Variants in ABCA13 observed in about 807,000 individuals in gnomAD.
ABCA13 encodes ATP-binding cassette sub-family A member 13.
Under a neutral mutation model 478.7 loss-of-function variants are expected in ABCA13, and 476 were observed. That is an observed-to-expected ratio of 0.99 (90% CI 0.92 to 1.07). The LOEUF (loss-of-function observed/expected upper bound fraction) is 1.07. Ranked by LOEUF, ABCA13 falls within the 50% of genes least tolerant of loss-of-function variation. The pLI, the probability that ABCA13 is intolerant of heterozygous loss-of-function variation, is 0.00. For synonymous variants in ABCA13, 2,252 were observed against 2,158.9 expected (o/e 1.04, Z -1.20); for missense variants, 6,060 against 5,910.6 (o/e 1.03, Z -0.83).
At chr7:48,617,314 A>G (rs754104233) in intron 59 of ABCA13, among the ~76,000 whole-genome samples, 19 of 152,152 alleles carry the variant, frequency 1.2e-4, no homozygotes, top group Non-Finnish European at 1.8e-4. Flanking sequence ...CTTTCTTTCC[A>G]TGAACATGAA....
intron 41 of ABCA13, among the ~76,000 whole-genome samples, chr7:48,426,593 A>G (rs1821456004): frequency 6.6e-6 from 1 of 152,202 alleles, no homozygotes; most frequent in Non-Finnish European, 1.5e-5. Context: ...CTGGATGGAC[A>G]GTGACGCTGG....
At chr7:48,376,355 C>A in intron 34 of ABCA13, 86 bp from the exon 35 acceptor site, 2 of 1,500,082 alleles carry the variant, frequency 1.3e-6, no homozygotes, top group Non-Finnish European at 1.8e-6. Context: ...TTCACTTGAG[C>A]TTCCAGAAGT....
intron 1 of ABCA13, among the ~76,000 whole-genome samples, chr7:48,172,785 G>A (rs1317634976): frequency 8.8e-6 from 1 of 113,906 alleles, no homozygotes; most frequent in Non-Finnish European, 1.7e-5. Flanking sequence ...GCGACAGAGC[G>A]AGACTCCGTC....
At chr7:48,404,837 A>G (rs1251592525) in intron 39 of ABCA13, among the ~76,000 whole-genome samples, 2 of 152,216 alleles carry the variant, frequency 1.3e-5, no homozygotes, top group Non-Finnish European at 1.5e-5. Context: ...GGAGCATAGA[A>G]GATCAATCTG....
intron 20 of ABCA13, among the ~76,000 whole-genome samples, chr7:48,295,239 A>G (rs1194221934): frequency 6.6e-6 from 1 of 152,212 alleles, no homozygotes; most frequent in Non-Finnish European, 1.5e-5. Flanking sequence ...GGTATGAGGT[A>G]ATAGCTCATT....
At chr7:48,304,988 C>T (rs1238781628) in intron 23 of ABCA13, among the ~76,000 whole-genome samples, 1 of 152,198 alleles carries the variant, frequency 6.6e-6, no homozygotes, top group African/African-American at 2.4e-5. Flanking sequence ...CATCCTTAAT[C>T]AATAAACCCA....
At chr7:48,405,167 CCCTTGG>C (rs1818098812) in intron 39 of ABCA13, among the ~76,000 whole-genome samples, 2 of 152,198 alleles carry the variant, frequency 1.3e-5, no homozygotes, top group Non-Finnish European at 2.9e-5. Flanking sequence ...AGTAGGGGAC[CCCTTGG>C]AGCTAGCTGG....
chr7:48,498,175 C>G (rs1468586544), intron 48 of ABCA13, among the ~76,000 whole-genome samples: 1 of 152,160 alleles, frequency 6.6e-6, no homozygotes, highest in Non-Finnish European at 1.5e-5. Context: ...GTGGAAGATT[C>G]ACTACCCAAT....
chr7:48,610,722 G>T (rs143558531), intron 58 of ABCA13, among the ~76,000 whole-genome samples: 1 of 152,194 alleles, frequency 6.6e-6, no homozygotes, highest in Non-Finnish European at 1.5e-5. Context: ...CTGTGCATCC[G>T]CAGGCTTACT....
At chr7:48,433,245 T>C (rs2129147082) in intron 42 of ABCA13, among the ~76,000 whole-genome samples, 1 of 151,994 alleles carries the variant, frequency 6.6e-6, no homozygotes, top group South Asian at 2.1e-4. Context: ...ACTGAGTAGC[T>C]GAAGGATTCT....
intron 61 of ABCA13, 72 bp downstream of exon 61, chr7:48,644,826 A>G: frequency 1.5e-6 from 2 of 1,363,582 alleles, no homozygotes; most frequent in Non-Finnish European, 2.0e-6. Context: ...CCAATTTTAA[A>G]ATTAATCGAA....
intron 29 of ABCA13, among the ~76,000 whole-genome samples, chr7:48,348,681 T>C (rs1163815423): frequency 6.6e-6 from 1 of 152,262 alleles, no homozygotes; most frequent in Non-Finnish European, 1.5e-5. Flanking sequence ...TTTATGCCTT[T>C]TTTATATCTT....
At chr7:48,352,635 T>A (rs1809228452) in intron 31 of ABCA13, 148 bp downstream of exon 31, 1 of 844,642 alleles carries the variant, frequency 1.2e-6, no homozygotes, top group Admixed American at 2.9e-5. Flanking sequence ...TAAGGTTCAT[T>A]TTTTTTATAT....
At chr7:48,392,727 A>T (rs755877920) in intron 38 of ABCA13, among the ~76,000 whole-genome samples, 2 of 152,196 alleles carry the variant, frequency 1.3e-5, no homozygotes, top group African/African-American at 4.8e-5. Context: ...GAGAGACTAG[A>T]TACAGAGTGG....
chr7:48,570,752 T>A (rs1563451601), intron 55 of ABCA13, among the ~76,000 whole-genome samples: 1 of 152,186 alleles, frequency 6.6e-6, no homozygotes. Flanking sequence ...GTAGAATTAA[T>A]TGATAATTAT....
At chr7:48,200,910 G>A (rs1434855389) in intron 3 of ABCA13, among the ~76,000 whole-genome samples, 1 of 152,242 alleles carries the variant, frequency 6.6e-6, no homozygotes, top group African/African-American at 2.4e-5. Context: ...TGTAATCCCA[G>A]CGCTTTGGGT....
At chr7:48,175,753 C>T (rs1188860084) in intron 1 of ABCA13, among the ~76,000 whole-genome samples, 5 of 152,134 alleles carry the variant, frequency 3.3e-5, no homozygotes, top group Admixed American at 6.5e-5. Flanking sequence ...ATATAGTCAT[C>T]CTATAGTCAT....
intron 42 of ABCA13, among the ~76,000 whole-genome samples, chr7:48,429,255 A>G (rs899352094): frequency 3.9e-5 from 6 of 152,212 alleles, no homozygotes; most frequent in African/African-American, 9.6e-5. Flanking sequence ...GAACATTTAT[A>G]TACACAATTT....
intron 31 of ABCA13, among the ~76,000 whole-genome samples, chr7:48,353,707 A>C (rs567601444): frequency 6.6e-6 from 1 of 151,890 alleles, no homozygotes; most frequent in South Asian, 2.1e-4. Flanking sequence ...ATTTTTTATG[A>C]AAATGCTGGT....
Sources: gnomAD v4.1 joint callset for allele counts (sites outside exome capture counted in the v4.1 genomes callset) on GRCh38, gnomAD v4.1.1 for gene constraint, MANE v1.5 for transcripts, NCBI Gene and HGNC (gene_info 2026-07-23, HGNC 2026-07-21) for gene names.